The following GRM7 variants were observed in gnomAD, a reference collection of about 807,000 sequenced individuals.
GRM7 encodes the protein metabotropic glutamate receptor 7.
In GRM7, 35 loss-of-function variants were observed where a neutral mutation model predicts 84.5. The ratio of observed to expected loss-of-function variants is 0.41; its 90% CI spans 0.32 to 0.55. The LOEUF (loss-of-function observed/expected upper bound fraction) is 0.55, where lower values mean the gene tolerates loss of function less well. Ranked by LOEUF, GRM7 falls within the 20% of genes least tolerant of loss-of-function variation. The pLI, the probability that GRM7 is intolerant of heterozygous loss-of-function variation, is 0.19. For synonymous variants in GRM7, 487 were observed against 455.1 expected (o/e 1.07, Z -0.89); for missense variants, 1,003 against 1,194.6 (o/e 0.84, Z 2.36).
intron 4 of GRM7, among the ~76,000 whole-genome samples, chr3:7,326,640 G>C (rs1043209974): frequency 1.3e-5 from 2 of 152,014 alleles, no homozygotes; most frequent in South Asian, 2.1e-4. Flanking sequence ...CTGAGGTCAG[G>C]AGTTTGAGAC....
At position 7,597,131 on chromosome 3, in the gene GRM7, C is replaced by A. The variant is rs184929824; in HGVS notation, c.2451+17774C>A. Reference sequence around the variant, plus strand: ...TCTGTAGGCTTTCCAGGAAGCATGGCAACATTTGCTTCTGGGGAGGTCTCA... The same window carrying A: ...TCTGTAGGCTTTCCAGGAAGCATGGAAACATTTGCTTCTGGGGAGGTCTCA... On this transcript the variant is annotated intron_variant, in intron 8 of 9. Coordinates refer to ENST00000357716, the MANE Select transcript of GRM7 (RefSeq NM_000844.4). Among the ~76,000 whole-genome samples, 74 of 152,130 alleles carry A rather than the reference C, an allele frequency of 4.9e-4. No homozygotes were observed. In the East Asian group the frequency reaches 5.4e-3, roughly 11 times the overall value.
intron 2 of GRM7, among the ~76,000 whole-genome samples, chr3:7,182,279 T>G (rs113952975): frequency 2.5e-4 from 38 of 152,294 alleles, no homozygotes; most frequent in African/African-American, 8.7e-4. Context: ...GAGATAGCCT[T>G]AAGCATTTCA....
intron 5 of GRM7, among the ~76,000 whole-genome samples, chr3:7,435,419 G>C (rs1457848371): frequency 2.0e-5 from 3 of 152,054 alleles, no homozygotes; most frequent in African/African-American, 7.2e-5. Flanking sequence ...GCCTCCCAAA[G>C]TGCTGGGATT....
chr3:7,510,364 A>G (rs191048977), intron 7 of GRM7, among the ~76,000 whole-genome samples: 295 of 152,276 alleles, frequency 1.9e-3, no homozygotes, highest in Admixed American at 2.5e-3. Flanking sequence ...CCTGTTGCGG[A>G]GAAAGCTCCC....
At chr3:7,652,943 T>A (rs1699012362) in intron 8 of GRM7, among the ~76,000 whole-genome samples, 1 of 152,122 alleles carries the variant, frequency 6.6e-6, no homozygotes, top group African/African-American at 2.4e-5. Flanking sequence ...ATCAGGCACA[T>A]CCCTGGTTCA....
chr3:6,999,871 A>G (rs1694950312), intron 1 of GRM7, among the ~76,000 whole-genome samples: 1 of 152,204 alleles, frequency 6.6e-6, no homozygotes. Context: ...GGGAATTGCA[A>G]TTCAAGATGA....
intron 9 of GRM7, among the ~76,000 whole-genome samples, chr3:7,735,154 T>C (rs1702462059): frequency 6.6e-6 from 1 of 152,188 alleles, no homozygotes. Flanking sequence ...TCATGTTTAA[T>C]AGGGAAGCAT....
At chr3:7,320,959 G>A (rs1283836933) in intron 4 of GRM7, among the ~76,000 whole-genome samples, 1 of 151,870 alleles carries the variant, frequency 6.6e-6, no homozygotes, top group Non-Finnish European at 1.5e-5. Flanking sequence ...TGAAGAAGAT[G>A]TCTTACTGGG....
At chr3:7,027,519 G>A (rs976984146) in intron 1 of GRM7, among the ~76,000 whole-genome samples, 5 of 151,982 alleles carry the variant, frequency 3.3e-5, no homozygotes, top group South Asian at 2.1e-4. Flanking sequence ...CTCTGGGGAC[G>A]CTGCAATTAA....
intron 2 of GRM7, among the ~76,000 whole-genome samples, chr3:7,271,176 T>C (rs1488860969): frequency 6.6e-6 from 1 of 152,204 alleles, no homozygotes; most frequent in Non-Finnish European, 1.5e-5. Context: ...CAAGGTTATA[T>C]GTTGAAACCC....
At chr3:7,153,083 C>T (rs1694335638) in intron 2 of GRM7, among the ~76,000 whole-genome samples, 1 of 151,638 alleles carries the variant, frequency 6.6e-6, no homozygotes, top group Non-Finnish European at 1.5e-5. Context: ...TCTCCAGCTT[C>T]CCTCTTTCAG....
At chr3:7,493,261 GT>G (rs1699587353) in intron 7 of GRM7, among the ~76,000 whole-genome samples, 1 of 151,980 alleles carries the variant, frequency 6.6e-6, no homozygotes. Flanking sequence ...AACAGGAAAT[GT>G]TGAACTCTTC....
intron 2 of GRM7, among the ~76,000 whole-genome samples, chr3:7,225,557 T>C (rs1696956662): frequency 1.4e-5 from 2 of 147,876 alleles, no homozygotes. Context: ...TATAAATATA[T>C]TTATATATAC....
At chr3:7,680,645 G>T in intron 9 of GRM7, 1 of 256,230 alleles carries the variant, frequency 3.9e-6, no homozygotes, top group Non-Finnish European at 7.6e-6. Flanking sequence ...TTTTGTCAGG[G>T]AAACTTCCAT....
At chr3:7,595,715 A>G (rs914776717) in intron 8 of GRM7, among the ~76,000 whole-genome samples, 8 of 152,034 alleles carry the variant, frequency 5.3e-5, no homozygotes, top group Admixed American at 4.6e-4. Context: ...GGTAGGGAAG[A>G]GTGCCCAGGC....
intron 2 of GRM7, among the ~76,000 whole-genome samples, chr3:7,183,778 A>G (rs1333628530): frequency 6.6e-6 from 1 of 152,152 alleles, no homozygotes; most frequent in Non-Finnish European, 1.5e-5. Context: ...GCTATTAACA[A>G]AGCAGACGAT....
chr3:7,562,475 A>G (rs931118130), intron 7 of GRM7, among the ~76,000 whole-genome samples: 5 of 152,110 alleles, frequency 3.3e-5, no homozygotes, highest in Admixed American at 6.6e-5. Flanking sequence ...AAGTTAAGTG[A>G]GTCGATCAAG....
At chr3:7,525,400 G>T (rs910576537) in intron 7 of GRM7, among the ~76,000 whole-genome samples, 1 of 152,038 alleles carries the variant, frequency 6.6e-6, no homozygotes, top group Non-Finnish European at 1.5e-5. Context: ...ATTTGTTTTT[G>T]GGGGGATGGG....
intron 2 of GRM7, among the ~76,000 whole-genome samples, chr3:7,193,659 C>G (rs1306160400): frequency 7.2e-6 from 1 of 139,680 alleles, no homozygotes; most frequent in Non-Finnish European, 1.6e-5. Context: ...TTCTGTATTT[C>G]TCTTTCCTCT....
Sources: gnomAD v4.1 joint callset for allele counts (sites outside exome capture counted in the v4.1 genomes callset) on GRCh38, gnomAD v4.1.1 for gene constraint, MANE v1.5 for transcripts, NCBI Gene and HGNC (gene_info 2026-07-23, HGNC 2026-07-21) for gene names.